KEL: variants seen among roughly 807,000 people sequenced by gnomAD.
KEL encodes Kell metallo-endopeptidase (Kell blood group).
Under a neutral mutation model 99.5 loss-of-function variants are expected in KEL, and 96 were observed. The observed-to-expected ratio is 0.97, with a 90% CI of 0.82 to 1.14. The LOEUF is 1.14. Ranked by LOEUF, KEL falls within the 50% of genes most tolerant of loss-of-function variation. The probability of loss-of-function intolerance (pLI) is 0.00; values close to 1 mark genes in which losing one functional copy is unlikely to be tolerated. For synonymous variants in KEL, 355 were observed against 354.8 expected, an observed-to-expected ratio of 1.00 and a Z score of -0.01; for missense variants, 926 against 924.2, an observed-to-expected ratio of 1.00 and a Z score of -0.03.
chr7:142,958,395 TCC>T lies in KEL; in HGVS notation c.432_433del (p.Glu145GlyfsTer17). The stretch of plus-strand genomic sequence containing the variant: ...GTTGTAGAACTGGAAGGCTTTCTCC[TCC>T]CCAGAGCCTGGGTGCCAGGAATTCT... On this transcript the variant is annotated frameshift_variant, in exon 5 of 19. Coordinates refer to ENST00000355265, the MANE Select transcript of KEL (RefSeq NM_000420.3). LOFTEE classifies it high-confidence loss of function. The T allele has an allele frequency of 6.2e-7, 1 of 1,614,070 alleles. No individual in the cohort carries two copies. Among genetic ancestry groups the T allele is most frequent in the East Asian group, 2.2e-5 (1 of 44,868 alleles).
Position 142,943,542 on chromosome 7 carries a change from C to T in KEL, c.1647G>A (p.Val549=). 6.2e-7 allele frequency: 1 copy of T among 1,614,170 alleles called. No individual in the cohort carries two copies. The highest frequency in any genetic ancestry group is 8.5e-7 in the Non-Finnish European group (1 of 1,180,022). ...VNAYYSVSDH[V]VVFPAGLLQP... ...GGAGGAGTCCAGCTGGAAAGACTAC[C>T]ACATGGTCAGATACCGAATAGTAAG... Residue 549 remains valine (V), a synonymous_variant, in exon 15 of 19, where the codon GTG becomes GTA. Coordinates refer to ENST00000355265, the MANE Select transcript of KEL (RefSeq NM_000420.3).
rs181914539 is a variant in KEL, at chr7:142,946,973, G to A, written c.1204-656C>T. 8.3e-4 allele frequency among the ~76,000 whole-genome samples: 127 copies of A among 152,306 alleles called. 2 individuals carry two copies. The East Asian group carries it at 0.024, about 28-fold the overall frequency. ...GAGAGAATAGAACAGGAAGGTGGAG[G>A]GCTTTCACTGCAGAGGCAGGAGGCC... On this transcript the variant is annotated intron_variant, in intron 10 of 18. Coordinates refer to ENST00000355265, the MANE Select transcript of KEL (RefSeq NM_000420.3).
chr7:142,941,154 G>T lies in KEL; in HGVS notation c.*98C>A. 7.3e-7 allele frequency: 1 copy of T among 1,376,248 alleles called. No homozygotes were observed. The highest frequency in any genetic ancestry group is 1.0e-6 in the Non-Finnish European group (1 of 969,358). The allele number at this position is 1,376,248 out of a possible 1,614,324, so 85.3% of individuals were successfully genotyped here. On this transcript the variant is annotated 3_prime_UTR_variant, in exon 19 of 19. Coordinates refer to ENST00000355265, the MANE Select transcript of KEL (RefSeq NM_000420.3). The stretch of plus-strand genomic sequence containing the variant: ...AAGCCAAGTGCCAGCTTTTATTTTT[G>T]GAACAGAAGCAGAAAGGAAATCTTG...
At chr7:142,945,381 C>T (rs1365632549) in intron 11 of KEL, among the ~76,000 whole-genome samples, 2 of 152,210 alleles carry the variant, frequency 1.3e-5, no homozygotes, top group Admixed American at 1.3e-4. Flanking sequence ...AGTCACTTAA[C>T]CTCTCTTTGC....
At chr7:142,960,412 G>C (rs1382509055) in intron 4 of KEL, among the ~76,000 whole-genome samples, 1 of 152,146 alleles carries the variant, frequency 6.6e-6, no homozygotes, top group Non-Finnish European at 1.5e-5. Context: ...AGAGGGAGAG[G>C]GTAATGTTGA....
intron 13 of KEL, among the ~76,000 whole-genome samples, 196 bp from the exon 14 acceptor site, chr7:142,944,079 G>A (rs530949557): frequency 2.0e-5 from 3 of 152,250 alleles, no homozygotes; most frequent in African/African-American, 7.2e-5. Flanking sequence ...AGATGAACAC[G>A]CCCAGACAAG....
chr7:142,944,929 C>A, intron 11 of KEL, 188 bp from the exon 12 acceptor site: 1 of 640,464 alleles, frequency 1.6e-6, no homozygotes, highest in South Asian at 1.8e-5. Context: ...CAGTGCCAAG[C>A]CCACAAAGGG....
intron 1 of KEL, 89 bp from the exon 2 acceptor site, chr7:142,961,961 C>T (rs1357727814): frequency 6.9e-6 from 11 of 1,603,426 alleles, no homozygotes; most frequent in Non-Finnish European, 9.4e-6. Context: ...TTTTGATACC[C>T]TCGCTGCCTG....
rs140245668 is a variant in KEL at position 142,943,315 on chromosome 7, T to C, written c.1732A>G (p.Ile578Val). 7 of 1,614,040 alleles carry C rather than the reference T, an allele frequency of 4.3e-6. No homozygotes were observed. The South Asian group carries it at 4.4e-5, about 10-fold the overall frequency. ...RAVNFGAAGS[I>V]MAHELLHIFY... ...ATGTGCAACAGCTCGTGGGCCATGATGCTGCCAGCAGCGCCAAAGTTCACG... is the reference window on the plus strand; with the variant it reads ...ATGTGCAACAGCTCGTGGGCCATGACGCTGCCAGCAGCGCCAAAGTTCACG... Residue 578 changes from isoleucine (I) to valine (V), a missense_variant, in exon 16 of 19, where the codon ATC becomes GTC. Physicochemically the swap from Ile to Val is conservative, Grantham distance 29. Transcript: ENST00000355265.
At chr7:142,959,977 ATGTCT>A (rs1466843997) in intron 4 of KEL, among the ~76,000 whole-genome samples, 2 of 152,146 alleles carry the variant, frequency 1.3e-5, no homozygotes, top group Non-Finnish European at 2.9e-5. Flanking sequence ...CTGGAAATGC[ATGTCT>A]ATCTTATATG....
rs776162008 is a variant in KEL, at chr7:142,941,122, C to A, written c.*130G>T. The A allele has an allele frequency of 3.7e-5, 36 of 973,238 alleles. No homozygotes were observed. The highest frequency in any genetic ancestry group is 1.6e-4 in the Admixed American group (8 of 51,266). 60.3% of individuals were successfully genotyped at this position (973,238 alleles called of 1,614,324 possible). On this transcript the variant is annotated 3_prime_UTR_variant, in exon 19 of 19. Transcript: ENST00000355265. ...ATAGCAGGAACAAGTCATTAAGAGA[C>A]AAGCGGAAGCCAAGTGCCAGCTTTT...
At chr7:142,947,325 G>A (rs1796559749) in intron 10 of KEL, among the ~76,000 whole-genome samples, 1 of 152,080 alleles carries the variant, frequency 6.6e-6, no homozygotes, top group Non-Finnish European at 1.5e-5. Flanking sequence ...AGGTAGGAAG[G>A]CTGCCACTAA....
intron 4 of KEL, among the ~76,000 whole-genome samples, chr7:142,959,666 C>T (rs1006761991): frequency 6.6e-6 from 1 of 152,150 alleles, no homozygotes; most frequent in African/African-American, 2.4e-5. Flanking sequence ...ATCCATTGAT[C>T]CCAGGAAACA....
At chr7:142,961,697 G>C (rs1039180811) in intron 2 of KEL, 98 bp downstream of exon 2, 2 of 1,295,686 alleles carry the variant, frequency 1.5e-6, no homozygotes, top group Admixed American at 3.4e-5. Flanking sequence ...TTTTGGGTGA[G>C]GATGAAGCAG....
At chr7:142,943,687 G>C in intron 14 of KEL, 91 bp from the exon 15 acceptor site, 1 of 1,441,442 alleles carries the variant, frequency 6.9e-7, no homozygotes. Context: ...TACCATTACT[G>C]TTCATGCTGC....
chr7:142,958,996 A>G (rs1041479494), intron 4 of KEL, among the ~76,000 whole-genome samples: 11 of 151,970 alleles, frequency 7.2e-5, no homozygotes, highest in Non-Finnish European at 1.6e-4. Context: ...TTTCTGGACC[A>G]AACCAATGTA....
chr7:142,962,135 G>A lies in KEL; in HGVS notation c.3+69C>T, dbSNP rs759248816. On this transcript the variant is annotated intron_variant, in intron 1 of 18. Coordinates refer to ENST00000355265, the MANE Select transcript of KEL (RefSeq NM_000420.3). ...CTTACATTCCCTCCCCTCCAGTGGG[G>A]GCAGGACTTTTGCACACAGCCACCC... 1.9e-6 allele frequency: 3 copies of A among 1,613,448 alleles called. No individual in the cohort carries two copies. In the South Asian group the frequency reaches 3.3e-5, roughly 18 times the overall value.
In KEL at chr7:142,941,213, G is replaced by A. The variant is rs369523057; in HGVS notation, c.*39C>T. ...CCATGGATGTGACCAGGGAGGTGTT[G>A]GTCGATATTTCTGTGCTGTGGCATC... On this transcript the variant is annotated 3_prime_UTR_variant, in exon 19 of 19. Coordinates refer to ENST00000355265, the MANE Select transcript of KEL (RefSeq NM_000420.3). The A allele has an allele frequency of 5.1e-5, 82 of 1,607,482 alleles. No homozygotes were observed. Among genetic ancestry groups the A allele is most frequent in the Non-Finnish European group, 6.2e-5 (73 of 1,174,134 alleles).
At position 142,942,959 on chromosome 7, in the gene KEL, T is replaced by A. The variant is rs371547298; in HGVS notation, c.1857A>T (p.Pro619=). 7.4e-6 allele frequency: 12 copies of A among 1,614,128 alleles called. No individual in the cohort carries two copies. The highest frequency in any genetic ancestry group is 1.0e-5 in the Non-Finnish European group (12 of 1,180,008). Residue 619 remains proline (P), a synonymous_variant, in exon 17 of 19, where the codon CCA becomes CCT. Coordinates refer to ENST00000355265, the MANE Select transcript of KEL (RefSeq NM_000420.3). ...CATTGAAGGAGGTTCTGCTAGGTAATGGAAAGGCAGCATAATGGCGCTTCA... is the reference window on the plus strand; with the variant it reads ...CATTGAAGGAGGTTCTGCTAGGTAAAGGAAAGGCAGCATAATGGCGCTTCA... ...LCLKRHYAAF[P]LPSRTSFNDS... is the part of the protein sequence containing the mutation.
Sources: allele counts gnomAD v4.1 joint callset (sites outside exome capture counted in the v4.1 genomes callset), GRCh38; gene constraint gnomAD v4.1.1; transcripts MANE v1.5; gene names NCBI Gene and HGNC (gene_info 2026-07-23, HGNC 2026-07-21).